ABCA4: variants seen among roughly 807,000 people sequenced by gnomAD.
The protein encoded by ABCA4 is ATP binding cassette subfamily A member 4.
A neutral mutation model predicts 263.7 loss-of-function variants in ABCA4; 196 were observed. That is an observed-to-expected ratio of 0.74 (90% confidence interval 0.66 to 0.84). The LOEUF is 0.84. ABCA4 is among the 40% of genes least tolerant of loss of function. The pLI, the probability that ABCA4 is intolerant of heterozygous loss-of-function variation, is 0.00. For synonymous variants in ABCA4, 1,133 were observed against 1,094.2 expected (o/e 1.04, Z -0.70); for missense variants, 2,792 against 2,855.1 (o/e 0.98, Z 0.50).
chr1:94,120,993 C>T lies in ABCA4; in HGVS notation c.53G>A (p.Arg18Gln), dbSNP rs868543294. 1.2e-6 allele frequency: 2 copies of T among 1,601,454 alleles called. No homozygotes were observed. Among genetic ancestry groups the T allele is most frequent in the South Asian group, 2.2e-5 (2 of 90,908 alleles). Residue 18 changes from arginine (R) to glutamine (Q), a missense_variant, in exon 1 of 50, where the codon CGG becomes CAG. Coordinates refer to ENST00000370225, the MANE Select transcript of ABCA4 (RefSeq NM_000350.3). ...AGTAACTGTTACCTTTTGCCTTTTC[C>T]GCAGGGTCCAGTTCTTCCAGAGCAA... ...QLLLWKNWTL[R>Q]KRQKIRFVVE...
chr1:94,039,204 A>C (rs572995436), intron 24 of ABCA4, among the ~76,000 whole-genome samples: 63 of 152,324 alleles, frequency 4.1e-4, no homozygotes, highest in African/African-American at 1.5e-3. Flanking sequence ...GTGTAAAGAG[A>C]GGGCAGGTGC....
rs1265846081 is a variant in ABCA4 at position 94,010,830 on chromosome 1, A to G, written c.5684T>C (p.Leu1895Pro). 6.2e-7 allele frequency: 1 copy of G among 1,614,016 alleles called. No individual in the cohort carries two copies. Among genetic ancestry groups the G allele is most frequent in the African/African-American group, 1.3e-5 (1 of 74,902 alleles). The change falls in exon 40 of 50, where the codon CTG becomes CCG. Residue 1895 changes from leucine (L) to proline (P), a missense_variant. Transcript: ENST00000370225. Reference protein sequence around the residue: ...EGVVYFLLTLLVQRHFFLSQW... With the variant: ...EGVVYFLLTLPVQRHFFLSQW... ...GGAGAGGAAGAAGTGGCGCTGGACC[A>G]GCAGGGTCAGGAGGAAGTACACCAC... is the stretch of plus-strand genomic sequence containing the variant.
chr1:94,119,475 A>G (rs978118005), intron 1 of ABCA4, among the ~76,000 whole-genome samples: 2 of 152,062 alleles, frequency 1.3e-5, no homozygotes, highest in African/African-American at 4.8e-5. Context: ...TTGTTAAGCT[A>G]TTGTCCCTCG....
At chr1:94,114,814 G>A (rs902866621) in intron 1 of ABCA4, among the ~76,000 whole-genome samples, 3 of 152,146 alleles carry the variant, frequency 2.0e-5, no homozygotes, top group Non-Finnish European at 2.9e-5. Context: ...AACACACACC[G>A]CACTTCAGGT....
In ABCA4 at chr1:94,103,162, A is replaced by T. The variant is rs749763598; in HGVS notation, c.443-20T>A. On this transcript the variant is annotated intron_variant, in intron 4 of 49. Coordinates refer to ENST00000370225, the MANE Select transcript of ABCA4 (RefSeq NM_000350.3). ...CTCTTCCTACATATGAATAAGAGAA[A>T]GAACAGGGTGTTGAAGGGGAAATGG... 31 of 1,613,418 alleles carry T rather than the reference A, an allele frequency of 1.9e-5. No homozygotes were observed. Among genetic ancestry groups the T allele is most frequent in the Non-Finnish European group, 2.5e-5 (29 of 1,179,678 alleles).
intron 41 of ABCA4, 78 bp from the exon 42 acceptor site, chr1:94,008,375 G>A (rs542600918): frequency 1.1e-5 from 16 of 1,426,940 alleles, no homozygotes. Flanking sequence ...AAAGAGCAAA[G>A]GATGGTTTAG....
rs149455936 is a variant in ABCA4, at chr1:94,074,333, T to C, written c.1554+3357A>G. ...CCATATGTAGAAAACTTAAACTGGA[T>C]CCCTTCCTTACACCTTATACAAAAA... On this transcript the variant is annotated intron_variant, in intron 11 of 49. Transcript: ENST00000370225. Among the ~76,000 whole-genome samples, 903 of 152,244 alleles carry C rather than the reference T, an allele frequency of 5.9e-3. 12 individuals carry two copies. Among genetic ancestry groups the C allele is most frequent in the East Asian group, 0.046 (238 of 5,172 alleles).
intron 40 of ABCA4, among the ~76,000 whole-genome samples, chr1:94,009,574 C>T (rs1406773443): frequency 2.6e-5 from 4 of 152,180 alleles, no homozygotes; most frequent in South Asian, 2.1e-4. Context: ...TCCCAGCCTC[C>T]GCATGTGTTT....
At chr1:94,018,618 C>A (rs1192662821) in intron 36 of ABCA4, 3 of 455,600 alleles carry the variant, frequency 6.6e-6, no homozygotes, top group Non-Finnish European at 1.3e-5. Flanking sequence ...TTGTGTTGGT[C>A]TCCATCAGTT....
chr1:94,069,313 C>A (rs1289814749), intron 11 of ABCA4, among the ~76,000 whole-genome samples: 1 of 152,154 alleles, frequency 6.6e-6, no homozygotes, highest in African/African-American at 2.4e-5. Context: ...CCAGTAGAGG[C>A]AGAGAAAGAA....
At chr1:94,075,352 TA>T (rs56275191) in intron 11 of ABCA4, among the ~76,000 whole-genome samples, 10 of 150,472 alleles carry the variant, frequency 6.6e-5, no homozygotes, top group Non-Finnish European at 7.4e-5. Flanking sequence ...ATCTAAAAAT[TA>T]AAAAAAAAAT....
At position 94,051,499 on chromosome 1, in the gene ABCA4, A is replaced by G. The variant is rs878861193; in HGVS notation, c.2653+134T>C. On this transcript the variant is annotated intron_variant, in intron 17 of 49. Coordinates refer to ENST00000370225, the MANE Select transcript of ABCA4 (RefSeq NM_000350.3). ...CGCTGCAATGCCCATCAAGGGGCAG[A>G]GCCCCAGGAGGCAGCTGACTCATCA... 7.5e-6 allele frequency: 6 copies of G among 802,558 alleles called. No homozygotes were observed. The South Asian group carries it at 8.8e-5, about 12-fold the overall frequency. 49.7% of individuals were successfully genotyped at this position (802,558 alleles called of 1,614,324 possible).
intron 37 of ABCA4, among the ~76,000 whole-genome samples, chr1:94,015,032 GTCATCTCAGATGAGCCCAGTGAGC>G (rs1425795795): frequency 6.6e-6 from 1 of 152,102 alleles, no homozygotes; most frequent in Non-Finnish European, 1.5e-5. Context: ...CCCAGCTGAG[GTCATCTCAGATGAGCCCAGTGAGC>G]TCATCTTCAC....
chr1:94,111,770 T>G (rs2101163499), intron 2 of ABCA4, among the ~76,000 whole-genome samples, 191 bp from the exon 3 acceptor site: 1 of 152,276 alleles, frequency 6.6e-6, no homozygotes. Context: ...TGGCCTCTTC[T>G]CTCAAGCTCC....
At chr1:93,999,611 G>A (rs1293665009) in intron 47 of ABCA4, among the ~76,000 whole-genome samples, 1 of 152,170 alleles carries the variant, frequency 6.6e-6, no homozygotes, top group Non-Finnish European at 1.5e-5. Context: ...ACGGCTAGCG[G>A]GTGTCAGTAC....
At chr1:94,110,887 G>A (rs1310513404) in intron 3 of ABCA4, among the ~76,000 whole-genome samples, 1 of 151,936 alleles carries the variant, frequency 6.6e-6, no homozygotes, top group Non-Finnish European at 1.5e-5. Flanking sequence ...GCCATATTCC[G>A]AGATCTCACC....
chr1:94,035,636 A>C (rs1660315432), intron 26 of ABCA4, among the ~76,000 whole-genome samples: 1 of 152,262 alleles, frequency 6.6e-6, no homozygotes, highest in Non-Finnish European at 1.5e-5. Flanking sequence ...ACTGGAAAGA[A>C]GGAGGTAACT....
intron 11 of ABCA4, among the ~76,000 whole-genome samples, chr1:94,065,441 C>T (rs1223994368): frequency 6.6e-6 from 1 of 152,204 alleles, no homozygotes; most frequent in Non-Finnish European, 1.5e-5. Flanking sequence ...CCAAGCTCCA[C>T]TGCACTGGGA....
In ABCA4 at chr1:94,033,423, C is replaced by CAAA. The variant is rs11459922; in HGVS notation, c.3863-1383_3863-1381dup. Reference sequence around the variant, plus strand: ...TGGGTGACAGAGCAAAACTCTATCTCAAAAAAAAAAAAAAGAAAAAAAAAA... The same window carrying CAAA: ...TGGGTGACAGAGCAAAACTCTATCTCAAAAAAAAAAAAAAAAAGAAAAAAAAAA... On this transcript the variant is annotated intron_variant, in intron 26 of 49. Coordinates refer to ENST00000370225, the MANE Select transcript of ABCA4 (RefSeq NM_000350.3). Among the ~76,000 whole-genome samples, 6 of 109,056 alleles carry CAAA rather than the reference C, an allele frequency of 5.5e-5. 1 individual carries two copies. Among genetic ancestry groups the CAAA allele is most frequent in the Admixed American group, 9.9e-5 (1 of 10,070 alleles). The allele number at this position is 109,056 out of a possible 152,430, so 71.5% of individuals were successfully genotyped here.
Sources: gnomAD v4.1 joint callset for allele counts (sites outside exome capture counted in the v4.1 genomes callset) on GRCh38, gnomAD v4.1.1 for gene constraint, MANE v1.5 for transcripts, NCBI Gene and HGNC (gene_info 2026-07-23, HGNC 2026-07-21) for gene names.